RAD54L2: variants seen among roughly 807,000 people sequenced by gnomAD.
RAD54L2 encodes RAD54 like 2.
Under a neutral mutation model 138.4 loss-of-function variants are expected in RAD54L2, and 27 were observed. The observed-to-expected ratio is 0.20, with a 90% CI of 0.14 to 0.27. RAD54L2 has a LOEUF of 0.27. Among genes scored for constraint, RAD54L2 ranks in the 10% least tolerant of loss-of-function variants. The pLI is 1.00. For synonymous variants in RAD54L2, 644 were observed against 723.2 expected, an observed-to-expected ratio of 0.89 and a Z score of 1.76; for missense variants, 1,396 against 1,890.2, an observed-to-expected ratio of 0.74 and a Z score of 4.85.
chr3:51,597,165 CAAAAAAAAAAAAAA>C (rs145812228), intron 3 of RAD54L2, among the ~76,000 whole-genome samples: 1 of 49,270 alleles, frequency 2.0e-5, no homozygotes, highest in African/African-American at 7.6e-5. Context: ...GACTTCATTT[CAAAAAAAAAAAAAA>C]AAAAAAAAAA....
chr3:51,539,778 C>T (rs1698505993), intron 1 of RAD54L2, among the ~76,000 whole-genome samples: 1 of 152,016 alleles, frequency 6.6e-6, no homozygotes, highest in Non-Finnish European at 1.5e-5. Context: ...GAGTGGGTGA[C>T]TCAGATCTGT....
chr3:51,650,097 C>A (rs1357149386), intron 19 of RAD54L2, among the ~76,000 whole-genome samples: 1 of 151,984 alleles, frequency 6.6e-6, no homozygotes, highest in East Asian at 1.9e-4. Flanking sequence ...GAAGACCTGC[C>A]AAGCAAATGG....
Position 51,593,630 on chromosome 3 carries a change from C to T in RAD54L2, c.139+3071C>T, listed in dbSNP as rs1380231566. On this transcript the variant is annotated intron_variant, in intron 3 of 22. Transcript: ENST00000684192. ...TACAGGCGTGAGCCACTGTGCCCGG[C>T]CACTTCAGCCCTTTTTATTTGAAGT... Among the ~76,000 whole-genome samples the T allele has an allele frequency of 2.6e-5, 4 of 152,294 alleles. No homozygotes were observed. In the East Asian group the frequency reaches 7.7e-4, roughly 29 times the overall value.
chr3:51,586,016 C>T (rs1308463332), intron 2 of RAD54L2, among the ~76,000 whole-genome samples: 3 of 151,950 alleles, frequency 2.0e-5, no homozygotes, highest in East Asian at 1.9e-4. Flanking sequence ...ATCACCACCC[C>T]GCCCCCACCG....
intron 7 of RAD54L2, 139 bp downstream of exon 7, chr3:51,631,070 C>T: frequency 1.3e-6 from 1 of 782,238 alleles, no homozygotes; most frequent in Non-Finnish European, 2.0e-6. Context: ...GTTGGAAAGA[C>T]CTGATACTTC....
rs190095437 is a variant in RAD54L2 at position 51,611,095 on chromosome 3, T to C, written c.140-16458T>C. Among the ~76,000 whole-genome samples the C allele has an allele frequency of 7.8e-4, 118 of 152,200 alleles. 1 individual carries two copies. The highest frequency in any genetic ancestry group is 1.5e-4 in the Non-Finnish European group (10 of 68,030). On this transcript the variant is annotated intron_variant, in intron 3 of 22. Coordinates refer to ENST00000684192, the MANE Select transcript of RAD54L2 (RefSeq NM_015106.4). ...TATTCAGATACCTAGCCCATTCCTTTAACAGATTTTTTTTTTTTTCCCTTA... is the reference window on the plus strand; with the variant it reads ...TATTCAGATACCTAGCCCATTCCTTCAACAGATTTTTTTTTTTTTCCCTTA...
rs150230867 is a variant in RAD54L2 at position 51,633,684 on chromosome 3, A to G, written c.933A>G (p.Lys311=). 2.1e-4 allele frequency: 338 copies of G among 1,613,954 alleles called. 3 individuals carry two copies. In the African/African-American group the frequency reaches 3.8e-3, roughly 18 times the overall value. ...CILAHSMGLG[K]TLQVISFIDV... ...TGGCCCACAGCATGGGTCTGGGGAA[A>G]ACTTTGCAAGTGATCTCTTTCATCG... Residue 311 remains lysine (K), a synonymous_variant, in exon 8 of 23, where the codon AAA becomes AAG. Coordinates refer to ENST00000684192, the MANE Select transcript of RAD54L2 (RefSeq NM_015106.4).
At chr3:51,583,494 A>G (rs1355923348) in intron 2 of RAD54L2, among the ~76,000 whole-genome samples, 1 of 150,048 alleles carries the variant, frequency 6.7e-6, no homozygotes, top group African/African-American at 2.5e-5. Flanking sequence ...ATCTTGGCTC[A>G]CCACAACCTC....
chr3:51,637,285 G>A lies in RAD54L2; in HGVS notation c.1464G>A (p.Val488=). 1.2e-6 allele frequency: 2 copies of A among 1,611,758 alleles called. No individual in the cohort carries two copies. The highest frequency in any genetic ancestry group is 3.4e-5 in the Admixed American group (2 of 59,688). The part of the protein sequence containing the change: ...ALKNIRSRRR[V]VLTGYPLQNN... ...AGAATATCCGCTCTCGCCGCCGGGT[G>A]GTGCTGACTGGGTACCCTCTGCAAA... The change falls in exon 11 of 23, where the codon GTG becomes GTA. Residue 488 remains valine, a synonymous_variant. Transcript: ENST00000684192. This position sits in a 1 kb window ranked among gnomAD's most constrained non-coding sequence, Gnocchi z 5.9.
intron 2 of RAD54L2, among the ~76,000 whole-genome samples, chr3:51,545,931 CTTTTTTTTTTTTTTT>C (rs781819728): frequency 1.3e-5 from 1 of 79,454 alleles, no homozygotes; most frequent in South Asian, 4.1e-4. Context: ...TACATCAATT[CTTTTTTTTTTTTTTT>C]TTTTTTTTTG....
At chr3:51,580,917 T>C (rs1170010219) in intron 2 of RAD54L2, among the ~76,000 whole-genome samples, 2 of 152,198 alleles carry the variant, frequency 1.3e-5, no homozygotes, top group African/African-American at 4.8e-5. Flanking sequence ...TTATTTTCTG[T>C]AGAATATTTT....
intron 15 of RAD54L2, 66 bp from the exon 16 acceptor site, chr3:51,643,809 C>T (rs1701202056): frequency 2.5e-6 from 3 of 1,210,568 alleles, no homozygotes; most frequent in East Asian, 2.5e-5. Context: ...ACATATTTGC[C>T]CAGTGATTTT....
intron 2 of RAD54L2, among the ~76,000 whole-genome samples, chr3:51,575,794 C>T (rs937042516): frequency 6.6e-6 from 1 of 152,186 alleles, no homozygotes; most frequent in African/African-American, 2.4e-5. Flanking sequence ...CATCTGCAAA[C>T]AGGGACAATT....
intron 2 of RAD54L2, among the ~76,000 whole-genome samples, chr3:51,548,168 A>G (rs1577380474): frequency 6.7e-6 from 1 of 150,134 alleles, no homozygotes; most frequent in South Asian, 2.1e-4. Context: ...TGTTGGGATC[A>G]CTGGTGTGAG....
chr3:51,586,897 A>G (rs1265593611), intron 2 of RAD54L2, among the ~76,000 whole-genome samples: 2 of 151,954 alleles, frequency 1.3e-5, no homozygotes, highest in African/African-American at 2.4e-5. Flanking sequence ...GGAGTCTAGG[A>G]TGAAAGAGAG....
At chr3:51,646,820 C>T (rs535059543) in intron 19 of RAD54L2, among the ~76,000 whole-genome samples, 2 of 152,308 alleles carry the variant, frequency 1.3e-5, no homozygotes, top group South Asian at 4.1e-4. Context: ...CTAGGCCTCA[C>T]TTAGAAGTGG....
chr3:51,589,683 T>TATACACAC (rs1553680963), intron 2 of RAD54L2, among the ~76,000 whole-genome samples: 52 of 144,862 alleles, frequency 3.6e-4, no homozygotes, highest in Middle Eastern at 3.5e-3. Context: ...TATATATATA[T>TATACACAC]ACACACACAC....
At chr3:51,586,772 T>C (rs1699719781) in intron 2 of RAD54L2, among the ~76,000 whole-genome samples, 1 of 151,942 alleles carries the variant, frequency 6.6e-6, no homozygotes, top group African/African-American at 2.4e-5. Context: ...TTTCACCATG[T>C]TGTTTGGGCT....
At chr3:51,608,035 C>T (rs1199199553) in intron 3 of RAD54L2, among the ~76,000 whole-genome samples, 4 of 139,170 alleles carry the variant, frequency 2.9e-5, no homozygotes, top group Middle Eastern at 4.5e-3. Context: ...CCGGACAGGG[C>T]GGCTGCCGGG....
Sources: allele counts gnomAD v4.1 joint callset (sites outside exome capture counted in the v4.1 genomes callset), GRCh38; gene constraint gnomAD v4.1.1; non-coding constraint Gnocchi (gnomAD v3.1); transcripts MANE v1.5; gene names NCBI Gene and HGNC (gene_info 2026-07-23, HGNC 2026-07-21).